Variants in PALM observed in about 807,000 individuals in gnomAD.
The protein encoded by PALM is paralemmin.
A neutral mutation model predicts 30.7 loss-of-function variants in PALM; 18 were observed. That is an observed-to-expected ratio of 0.59 (90% CI 0.41 to 0.87). The LOEUF (loss-of-function observed/expected upper bound fraction) is 0.87. Ranked by LOEUF, PALM falls within the 40% of genes least tolerant of loss-of-function variation. PALM has a pLI of 0.00. For synonymous variants in PALM, 286 were observed against 242.8 expected, an observed-to-expected ratio of 1.18 and a Z score of -1.66; for missense variants, 529 against 555.4, an observed-to-expected ratio of 0.95 and a Z score of 0.48.
intron 7 of PALM, among the ~76,000 whole-genome samples, chr19:739,853 G>A (rs987342371): frequency 6.6e-6 from 1 of 152,212 alleles, no homozygotes; most frequent in Non-Finnish European, 1.5e-5. Flanking sequence ...GCGGGCGCCT[G>A]TAGTCCCAGC....
chr19:718,757 A>AG (rs34363055), intron 1 of PALM, among the ~76,000 whole-genome samples: 17,044 of 151,360 alleles, frequency 0.11, 1,182 homozygotes, highest in East Asian at 0.32. Context: ...TGCCTGGAGG[A>AG]GGTGGCTGTG....
intron 4 of PALM, among the ~76,000 whole-genome samples, chr19:728,030 ACGT>A: frequency 1.1e-5 from 1 of 94,678 alleles, no homozygotes; most frequent in East Asian, 5.9e-4. Flanking sequence ...GGGGGACGTG[ACGT>A]CGAGCTCGTG....
chr19:728,973 T>C (rs1208406639), intron 4 of PALM, among the ~76,000 whole-genome samples: 2 of 150,492 alleles, frequency 1.3e-5, no homozygotes, highest in Non-Finnish European at 3.0e-5. Context: ...CGCTGCACTC[T>C]GGCCTGGGCA....
At chr19:714,356 TTC>T (rs1274365147) in intron 1 of PALM, among the ~76,000 whole-genome samples, 5 of 129,460 alleles carry the variant, frequency 3.9e-5, no homozygotes, top group African/African-American at 1.4e-4. Context: ...CTTTTTTTCT[TTC>T]TTTTTTTTTT....
At position 742,563 on chromosome 19, in the gene PALM, C is replaced by A. The variant is rs2033223527; in HGVS notation, c.634+2080C>A. Among the ~76,000 whole-genome samples, 1 of 151,638 alleles carries A rather than the reference C, an allele frequency of 6.6e-6. No homozygotes were observed. Among genetic ancestry groups the A allele is most frequent in the African/African-American group, 2.4e-5 (1 of 41,230 alleles). On this transcript the variant is annotated intron_variant, in intron 8 of 8. Coordinates refer to ENST00000338448, the MANE Select transcript of PALM (RefSeq NM_002579.3). This position sits in a 1 kb window ranked among gnomAD's most constrained non-coding sequence, Gnocchi z 5.5. ...GAGGTTGCAGTGAGCCGAGATCGCG[C>A]CACTGCTCTCCAGCCTGTGCGACAA... is the stretch of plus-strand genomic sequence containing the variant.
intron 1 of PALM, among the ~76,000 whole-genome samples, chr19:720,173 A>C: frequency 6.7e-6 from 1 of 150,004 alleles, no homozygotes; most frequent in African/African-American, 2.4e-5. Context: ...CCCCCCAAGC[A>C]CAGGCCGGGG....
chr19:746,667 G>T lies in PALM; in HGVS notation c.1017G>T (p.Glu339Asp). Reference sequence around the variant, plus strand: ...TCGAAGACGCGGCTGAGCCCAAGGAGCCTGCACCACCCAACGGCAGTGCTG... The same window carrying T: ...TCGAAGACGCGGCTGAGCCCAAGGATCCTGCACCACCCAACGGCAGTGCTG... ...VVIEDAAEPK[E>D]PAPPNGSAAE... is the part of the protein sequence containing the mutation. The change falls in exon 9 of 9, where the codon GAG becomes GAT. Residue 339 changes from glutamate to aspartate, a missense_variant. By Grantham distance (45) the Glu-to-Asp change is conservative. Transcript: ENST00000338448. This position sits in a 1 kb window ranked among gnomAD's most constrained non-coding sequence, Gnocchi z 7.1. 6.2e-7 allele frequency: 1 copy of T among 1,611,860 alleles called. No homozygotes were observed. Among genetic ancestry groups the T allele is most frequent in the Non-Finnish European group, 8.5e-7 (1 of 1,179,582 alleles).
chr19:730,192 AAGCCCTCCAGGCGG>A (rs2032827081), intron 4 of PALM, among the ~76,000 whole-genome samples: 2 of 119,466 alleles, frequency 1.7e-5, no homozygotes, highest in Admixed American at 8.1e-5. Context: ...CTCCTGCAGG[AAGCCCTCCAGGCGG>A]CTGTGGGCTG....
intron 5 of PALM, among the ~76,000 whole-genome samples, chr19:731,951 C>A (rs2032891849): frequency 6.6e-6 from 1 of 152,132 alleles, no homozygotes; most frequent in Non-Finnish European, 1.5e-5. Flanking sequence ...GCATGAGTCA[C>A]CTTACTTGGC....
chr19:736,502 G>C (rs895936515), intron 7 of PALM, among the ~76,000 whole-genome samples: 3 of 152,208 alleles, frequency 2.0e-5, no homozygotes, highest in Non-Finnish European at 4.4e-5. Context: ...CCCGTCCCTG[G>C]AGGCAACCAA....
chr19:731,279 G>A (rs754705660), intron 5 of PALM, 34 bp downstream of exon 5: 2 of 1,554,220 alleles, frequency 1.3e-6, no homozygotes, highest in Non-Finnish European at 1.7e-6. Flanking sequence ...GGATCCCCAG[G>A]CACCCACTCC....
chr19:738,002 G>A (rs1173198596), intron 7 of PALM, among the ~76,000 whole-genome samples: 1 of 152,166 alleles, frequency 6.6e-6, no homozygotes, highest in Non-Finnish European at 1.5e-5. Context: ...GGGCTGCTGG[G>A]GGAGGAGGCT....
Position 727,919 on chromosome 19 carries a change from G to A in PALM, c.269+225G>A, listed in dbSNP as rs149247387. On this transcript the variant is annotated intron_variant, in intron 4 of 8. Transcript: ENST00000338448. ...CTTGCTGGGGGCAGAGGCTGGCTGCGTGGCCTCAGGCAGGGAGATACCCCT... is the reference window on the plus strand; with the variant it reads ...CTTGCTGGGGGCAGAGGCTGGCTGCATGGCCTCAGGCAGGGAGATACCCCT... 1.1e-3 allele frequency: 596 copies of A among 548,264 alleles called. 3 individuals carry two copies. The highest frequency in any genetic ancestry group is 6.7e-3 in the African/African-American group (345 of 51,812). The allele number at this position is 548,264 out of a possible 1,614,324, so 34.0% of individuals were successfully genotyped here.
At position 743,563 on chromosome 19, in the gene PALM, G is replaced by GAA. The variant is rs1457920879; in HGVS notation, c.635-2720_635-2719dup. 1.2e-4 allele frequency among the ~76,000 whole-genome samples: 19 copies of GAA among 152,368 alleles called. No homozygotes were observed. The East Asian group carries it at 3.7e-3, about 29-fold the overall frequency. On this transcript the variant is annotated intron_variant, in intron 8 of 8. Transcript: ENST00000338448. ...TCCCCTCCCTGGGGGCTTAGAAACT[G>GAA]AAAGTGGAGAACACTTTCCTTCTGG...
chr19:708,938 C>CCCG lies in PALM; in HGVS notation c.-200_-198dup, dbSNP rs2031975584. Reference sequence around the variant, plus strand: ...GCGCGCGCCCAGCCCACCCCCCGCGCCCGCCGCCGCCCGGACAATAAACAG... The same window carrying CCCG: ...GCGCGCGCCCAGCCCACCCCCCGCGCCCGCCGCCGCCGCCCGGACAATAAACAG... On this transcript the variant is annotated 5_prime_UTR_variant, in exon 1 of 9. Coordinates refer to ENST00000338448, the MANE Select transcript of PALM (RefSeq NM_002579.3). 1 of 147,710 alleles carries CCCG rather than the reference C, an allele frequency of 6.8e-6. No homozygotes were observed. The highest frequency in any genetic ancestry group is 2.5e-5 in the African/African-American group (1 of 40,712). 9.1% of individuals were successfully genotyped at this position (147,710 alleles called of 1,614,324 possible).
intron 7 of PALM, among the ~76,000 whole-genome samples, chr19:736,530 G>T (rs1024963465): frequency 6.6e-6 from 1 of 152,182 alleles, no homozygotes; most frequent in Non-Finnish European, 1.5e-5. Context: ...CCCCAGCACC[G>T]CTGCGCTTCC....
At chr19:723,860 C>T (rs556159445) in intron 1 of PALM, among the ~76,000 whole-genome samples, 9 of 152,166 alleles carry the variant, frequency 5.9e-5, no homozygotes, top group East Asian at 5.8e-4. Context: ...CCTCCCAGAG[C>T]GCTGGGATTA....
chr19:731,425 G>C (rs1006475771), intron 5 of PALM, among the ~76,000 whole-genome samples, 180 bp downstream of exon 5: 1 of 152,198 alleles, frequency 6.6e-6, no homozygotes, highest in African/African-American at 2.4e-5. Flanking sequence ...ACGTGGTTTC[G>C]CCTTGCTGGG....
At chr19:725,367 T>C (rs545846210) in intron 1 of PALM, among the ~76,000 whole-genome samples, 2,501 of 149,640 alleles carry the variant, frequency 0.017, 65 homozygotes, top group African/African-American at 0.057. Context: ...GAGACCAGCC[T>C]GGCCAACATG....
Sources: allele counts gnomAD v4.1 joint callset (sites outside exome capture counted in the v4.1 genomes callset), GRCh38; gene constraint gnomAD v4.1.1; non-coding constraint Gnocchi (gnomAD v3.1); transcripts MANE v1.5; gene names NCBI Gene and HGNC (gene_info 2026-07-23, HGNC 2026-07-21).